Variants in GRM8 observed in about 807,000 individuals in gnomAD.
The protein encoded by GRM8 is metabotropic glutamate receptor 8.
GRM8 carries 47 observed loss-of-function variants against 87.2 expected under a neutral mutation model. The ratio of observed to expected loss-of-function variants is 0.54; its 90% CI spans 0.43 to 0.69. The LOEUF is 0.69. GRM8 is among the 30% of genes least tolerant of loss of function. The pLI is 0.00. For missense variants in GRM8, 1,019 were observed against 1,139.2 expected, an observed-to-expected ratio of 0.89 and a Z score of 1.52; for synonymous variants, 396 against 404.5, an observed-to-expected ratio of 0.98 and a Z score of 0.25.
intron 3 of GRM8, among the ~76,000 whole-genome samples, chr7:126,922,190 G>A (rs548764972): frequency 6.6e-6 from 1 of 152,122 alleles, no homozygotes; most frequent in Non-Finnish European, 1.5e-5. Context: ...AAAACAAAAT[G>A]TTTAAGAATA....
intron 2 of GRM8, among the ~76,000 whole-genome samples, chr7:127,172,580 T>C (rs551216237): frequency 1.3e-5 from 2 of 151,990 alleles, no homozygotes; most frequent in East Asian, 3.9e-4. Context: ...TGGTGGCACA[T>C]GGCTGTAGTC....
At chr7:126,881,669 T>C (rs1342497566) in intron 6 of GRM8, among the ~76,000 whole-genome samples, 1 of 152,132 alleles carries the variant, frequency 6.6e-6, no homozygotes, top group Non-Finnish European at 1.5e-5. Context: ...TATCCCACAT[T>C]TGGAGTAAGA....
At chr7:126,613,555 A>G (rs999437582) in intron 7 of GRM8, among the ~76,000 whole-genome samples, 1 of 152,130 alleles carries the variant, frequency 6.6e-6, no homozygotes, top group African/African-American at 2.4e-5. Flanking sequence ...CAGCCCACCG[A>G]GTGTGAGCCA....
chr7:127,147,425 G>A (rs888044809), intron 2 of GRM8, among the ~76,000 whole-genome samples: 7 of 151,978 alleles, frequency 4.6e-5, no homozygotes, highest in Non-Finnish European at 7.4e-5. Flanking sequence ...AAACCCTTTC[G>A]TAATGCTCTC....
At chr7:127,116,211 A>C (rs1463966748) in intron 2 of GRM8, among the ~76,000 whole-genome samples, 7 of 152,244 alleles carry the variant, frequency 4.6e-5, no homozygotes, top group Admixed American at 4.6e-4. Flanking sequence ...CTTTTTAAAA[A>C]ATTGAACAGT....
chr7:126,585,859 G>C (rs2151025423), intron 8 of GRM8, among the ~76,000 whole-genome samples: 1 of 152,162 alleles, frequency 6.6e-6, no homozygotes, highest in Non-Finnish European at 1.5e-5. Flanking sequence ...AGAAATAAAG[G>C]GTATTCAATT....
At chr7:126,916,159 A>G (rs1422491940) in intron 3 of GRM8, among the ~76,000 whole-genome samples, 1 of 152,208 alleles carries the variant, frequency 6.6e-6, no homozygotes, top group Non-Finnish European at 1.5e-5. Context: ...CAATATTGAA[A>G]TCAAAGTGAG....
At chr7:127,152,932 G>A (rs983363243) in intron 2 of GRM8, among the ~76,000 whole-genome samples, 3 of 152,086 alleles carry the variant, frequency 2.0e-5, no homozygotes, top group Admixed American at 6.6e-5. Flanking sequence ...TCCATTTGTA[G>A]AACAAATTAG....
At chr7:126,936,227 T>C (rs79059001) in intron 3 of GRM8, among the ~76,000 whole-genome samples, 1 of 152,192 alleles carries the variant, frequency 6.6e-6, no homozygotes, top group East Asian at 1.9e-4. Flanking sequence ...ACTTGTCCTG[T>C]GATTTTTTTT....
intron 7 of GRM8, among the ~76,000 whole-genome samples, chr7:126,714,554 T>G (rs1811508765): frequency 6.6e-6 from 1 of 152,064 alleles, no homozygotes; most frequent in Non-Finnish European, 1.5e-5. Context: ...TCAAATCCTG[T>G]GCTTTTAACC....
intron 3 of GRM8, among the ~76,000 whole-genome samples, chr7:127,044,926 C>T (rs1474694126): frequency 6.6e-6 from 1 of 152,154 alleles, no homozygotes; most frequent in African/African-American, 2.4e-5. Flanking sequence ...GACATTTTGT[C>T]ATATTTGCTT....
At chr7:126,680,171 A>G (rs1807394276) in intron 7 of GRM8, among the ~76,000 whole-genome samples, 1 of 152,184 alleles carries the variant, frequency 6.6e-6, no homozygotes, top group African/African-American at 2.4e-5. Flanking sequence ...TGCTATGGCA[A>G]GCTCCCAACT....
chr7:126,446,961 T>A (rs1482232063), intron 9 of GRM8, among the ~76,000 whole-genome samples: 1 of 151,766 alleles, frequency 6.6e-6, no homozygotes, highest in Non-Finnish European at 1.5e-5. Flanking sequence ...TTCCAGAAGG[T>A]TCTCAGTGAT....
At chr7:127,126,295 A>T (rs1165822289) in intron 2 of GRM8, among the ~76,000 whole-genome samples, 1 of 152,056 alleles carries the variant, frequency 6.6e-6, no homozygotes, top group African/African-American at 2.4e-5. Context: ...AATACCATTC[A>T]GCCGTAAAAA....
chr7:126,700,984 CCT>C (rs1344977326), intron 7 of GRM8, among the ~76,000 whole-genome samples: 1 of 152,014 alleles, frequency 6.6e-6, no homozygotes, highest in Non-Finnish European at 1.5e-5. Flanking sequence ...TCCTTCCCTC[CCT>C]CTCCCCTTCT....
intron 7 of GRM8, among the ~76,000 whole-genome samples, chr7:126,645,859 C>T (rs1329354020): frequency 6.6e-6 from 1 of 152,178 alleles, no homozygotes; most frequent in African/African-American, 2.4e-5. Flanking sequence ...CTTCTACCTC[C>T]TACTAAATCT....
chr7:126,760,699 T>C (rs17693362), intron 7 of GRM8, among the ~76,000 whole-genome samples: 57,764 of 152,060 alleles, frequency 0.38, 12,440 homozygotes, highest in Non-Finnish European at 0.48. Flanking sequence ...TTCCAAATTA[T>C]TAATTTCCTC....
chr7:126,785,625 G>A (rs185159799), intron 6 of GRM8, among the ~76,000 whole-genome samples: 42 of 152,012 alleles, frequency 2.8e-4, no homozygotes, highest in African/African-American at 8.4e-4. Context: ...CAGGTCTTTC[G>A]CTTCTTTATC....
intron 2 of GRM8, among the ~76,000 whole-genome samples, chr7:127,116,372 A>C (rs1227109946): frequency 6.7e-6 from 1 of 149,448 alleles, no homozygotes; most frequent in Non-Finnish European, 1.5e-5. Flanking sequence ...CTTTTTTATT[A>C]ATTCATTCAA....
Sources: gnomAD v4.1 joint callset for allele counts (sites outside exome capture counted in the v4.1 genomes callset) on GRCh38, gnomAD v4.1.1 for gene constraint, MANE v1.5 for transcripts, NCBI Gene and HGNC (gene_info 2026-07-23, HGNC 2026-07-21) for gene names.